The following ADARB2 variants were observed in gnomAD, a reference collection of about 807,000 sequenced individuals.
ADARB2 encodes adenosine deaminase RNA specific B2 (inactive).
In ADARB2, 25 loss-of-function variants were observed where a neutral mutation model predicts 62.2. The observed-to-expected ratio is 0.40, with a 90% confidence interval of 0.29 to 0.56. The LOEUF is 0.56. ADARB2 is among the 20% of genes least tolerant of loss of function. The pLI, the probability that ADARB2 is intolerant of heterozygous loss-of-function variation, is 0.43. For missense variants in ADARB2, 1,071 were observed against 1,077.4 expected (o/e 0.99, Z 0.08); for synonymous variants, 572 against 500.8 (o/e 1.14, Z -1.90).
chr10:1,386,085 G>T (rs1832522614), intron 1 of ADARB2, among the ~76,000 whole-genome samples: 1 of 151,970 alleles, frequency 6.6e-6, no homozygotes, highest in Admixed American at 6.6e-5. Context: ...TCTGTTGCAA[G>T]TTTCTTCCTT....
chr10:1,496,611 T>A (rs1831695639), intron 1 of ADARB2, among the ~76,000 whole-genome samples: 2 of 151,936 alleles, frequency 1.3e-5, no homozygotes, highest in African/African-American at 4.8e-5. Context: ...AATCTACCAT[T>A]ATCATCATTT....
chr10:1,276,648 A>T (rs1378713073), intron 3 of ADARB2, among the ~76,000 whole-genome samples: 1 of 152,206 alleles, frequency 6.6e-6, no homozygotes, highest in Non-Finnish European at 1.5e-5. Flanking sequence ...CTCCCAAACA[A>T]TAATAACGGG....
chr10:1,529,952 T>C (rs11250587), intron 1 of ADARB2, among the ~76,000 whole-genome samples: 4 of 20,378 alleles, frequency 2.0e-4, no homozygotes, highest in Admixed American at 8.1e-4. Flanking sequence ...TCACTGCCCC[T>C]GCCACTGTGG....
intron 2 of ADARB2, among the ~76,000 whole-genome samples, chr10:1,375,616 A>C (rs1440611164): frequency 6.6e-6 from 1 of 152,232 alleles, no homozygotes; most frequent in African/African-American, 2.4e-5. Flanking sequence ...CTCGTATTGG[A>C]GCCCTTAGAC....
chr10:1,217,285 T>C (rs578149473), intron 6 of ADARB2, among the ~76,000 whole-genome samples, 166 bp from the exon 7 acceptor site: 1 of 152,202 alleles, frequency 6.6e-6, no homozygotes, highest in Non-Finnish European at 1.5e-5. Flanking sequence ...GGGGTTGGGC[T>C]CCAGAGCCAC....
At chr10:1,444,565 A>C (rs1367998032) in intron 1 of ADARB2, among the ~76,000 whole-genome samples, 1 of 149,752 alleles carries the variant, frequency 6.7e-6, no homozygotes, top group African/African-American at 2.5e-5. Context: ...CCATCCATCC[A>C]TCCACCCACC....
intron 1 of ADARB2, among the ~76,000 whole-genome samples, chr10:1,510,049 T>TTC (rs918855545): frequency 2.6e-4 from 40 of 151,446 alleles, no homozygotes; most frequent in Non-Finnish European, 4.1e-4. Flanking sequence ...TTTCTCTCTC[T>TTC]TCTCTCTCTC....
chr10:1,605,459 G>A (rs1485131220), intron 1 of ADARB2, among the ~76,000 whole-genome samples: 2 of 152,162 alleles, frequency 1.3e-5, no homozygotes, highest in Admixed American at 6.5e-5. Flanking sequence ...GGGTATGAAT[G>A]GTCTCCTCTG....
intron 1 of ADARB2, among the ~76,000 whole-genome samples, chr10:1,491,090 A>G (rs539379337): frequency 1.1e-4 from 17 of 152,088 alleles, no homozygotes; most frequent in African/African-American, 4.1e-4. Context: ...TTATTTTTTA[A>G]GAGACAGACT....
At chr10:1,234,357 G>T (rs1261313918) in intron 5 of ADARB2, among the ~76,000 whole-genome samples, 1 of 152,128 alleles carries the variant, frequency 6.6e-6, no homozygotes, top group East Asian at 1.9e-4. Context: ...AGAACAGGCA[G>T]CAATGAAACT....
intron 1 of ADARB2, among the ~76,000 whole-genome samples, chr10:1,527,194 G>A (rs755383972): frequency 3.3e-5 from 5 of 152,152 alleles, no homozygotes; most frequent in Non-Finnish European, 7.3e-5. Context: ...TACAGTGCTC[G>A]CCACAGAATC....
At chr10:1,317,273 T>C (rs986578164) in intron 3 of ADARB2, among the ~76,000 whole-genome samples, 1 of 152,252 alleles carries the variant, frequency 6.6e-6, no homozygotes, top group African/African-American at 2.4e-5. Flanking sequence ...CCGTATCTTC[T>C]ATACCTTGTA....
At chr10:1,359,351 C>A (rs6560726) in intron 3 of ADARB2, among the ~76,000 whole-genome samples, 5 of 152,042 alleles carry the variant, frequency 3.3e-5, no homozygotes, top group Admixed American at 6.5e-5. Context: ...AAATGCCTGC[C>A]TTTGTCACTC....
chr10:1,731,063 G>A (rs945604797), intron 1 of ADARB2, among the ~76,000 whole-genome samples: 5 of 152,114 alleles, frequency 3.3e-5, no homozygotes, highest in Non-Finnish European at 7.4e-5. Flanking sequence ...AATATAGATC[G>A]TTCTTCAGAA....
In ADARB2 at chr10:1,329,305, T is replaced by A. The variant is rs375631803; in HGVS notation, c.1077+33723A>T. Among the ~76,000 whole-genome samples the A allele has an allele frequency of 2.0e-4, 30 of 152,288 alleles. No homozygotes were observed. In the East Asian group the frequency reaches 2.5e-3, roughly 13 times the overall value. Reference sequence around the variant, plus strand: ...AGTAATGAACATGTGAATAAAAAAATAAAAACCTCTACTGTTAAATTTGTT... The same window carrying A: ...AGTAATGAACATGTGAATAAAAAAAAAAAAACCTCTACTGTTAAATTTGTT... On this transcript the variant is annotated intron_variant, in intron 3 of 9. Coordinates refer to ENST00000381312, the MANE Select transcript of ADARB2 (RefSeq NM_018702.4).
rs577524334 is a variant in ADARB2 at position 1,574,600 on chromosome 10, A to C, written c.100+162451T>G. ...GGTTCCTCCTAAGGTCCCTGTCCTT[A>C]TAGACCCTGCTGTCTCCCTGTGTCC... On this transcript the variant is annotated intron_variant, in intron 1 of 9. Transcript: ENST00000381312. 1.6e-4 allele frequency among the ~76,000 whole-genome samples: 25 copies of C among 152,214 alleles called. No homozygotes were observed. In the East Asian group the frequency reaches 4.9e-3, roughly 30 times the overall value.
intron 1 of ADARB2, among the ~76,000 whole-genome samples, chr10:1,517,928 G>A (rs1832026274): frequency 6.6e-6 from 1 of 152,192 alleles, no homozygotes; most frequent in Non-Finnish European, 1.5e-5. Context: ...ACGGGACAGA[G>A]CCTTTGCATG....
At chr10:1,464,870 G>A (rs566743196) in intron 1 of ADARB2, among the ~76,000 whole-genome samples, 28 of 152,304 alleles carry the variant, frequency 1.8e-4, no homozygotes, top group African/African-American at 6.5e-4. Context: ...CACACTCGGC[G>A]GAGGCCCCGG....
chr10:1,352,893 C>G (rs1297295896), intron 3 of ADARB2, among the ~76,000 whole-genome samples: 1 of 152,172 alleles, frequency 6.6e-6, no homozygotes, highest in East Asian at 1.9e-4. Context: ...TCCTTCTTCC[C>G]TGTTCCTCAC....
Sources: allele counts gnomAD v4.1 joint callset (sites outside exome capture counted in the v4.1 genomes callset), GRCh38; gene constraint gnomAD v4.1.1; transcripts MANE v1.5; gene names NCBI Gene and HGNC (gene_info 2026-07-23, HGNC 2026-07-21).